Variants in ESRRG observed in about 807,000 individuals in gnomAD.
ESRRG encodes the protein estrogen related receptor gamma.
In ESRRG, 13 loss-of-function variants were observed where a neutral mutation model predicts 44.0. That is an observed-to-expected ratio of 0.30 (90% CI 0.19 to 0.47). The LOEUF (loss-of-function observed/expected upper bound fraction) is 0.47. Ranked by LOEUF, ESRRG falls within the 20% of genes least tolerant of loss-of-function variation. The pLI, the probability that ESRRG is intolerant of heterozygous loss-of-function variation, is 1.00. For missense variants in ESRRG, 395 were observed against 580.6 expected, an observed-to-expected ratio of 0.68 and a Z score of 3.29; for synonymous variants, 215 against 214.6, an observed-to-expected ratio of 1.00 and a Z score of -0.02.
chr1:216,673,557 A>G (rs904724132), intron 2 of ESRRG, among the ~76,000 whole-genome samples: 3 of 152,190 alleles, frequency 2.0e-5, no homozygotes, highest in African/African-American at 7.2e-5. Flanking sequence ...ACATACATCA[A>G]TGCCAAGAAT....
chr1:216,562,448 A>G (rs1346628157), intron 5 of ESRRG, among the ~76,000 whole-genome samples: 1 of 152,072 alleles, frequency 6.6e-6, no homozygotes, highest in African/African-American at 2.4e-5. Flanking sequence ...GAATAATAAT[A>G]CCTGATTCCT....
intron 2 of ESRRG, among the ~76,000 whole-genome samples, chr1:216,902,478 GAAAAAAAAGAAAA>G (rs975482576): frequency 2.4e-4 from 34 of 139,568 alleles, no homozygotes; most frequent in African/African-American, 9.1e-4. Flanking sequence ...ACAGAGTCTC[GAAAAAAAAGAAAA>G]AAAAAAAAGG....
rs71161435 is a variant in ESRRG, at chr1:216,516,664, C to CAG, written c.1132+2487_1132+2488insCT. Reference sequence around the variant, plus strand: ...ACACACACACACACACACACACACACACACAGAGAGAGAGAGAGAAACGAC... The same window carrying CAG: ...ACACACACACACACACACACACACACAGACACAGAGAGAGAGAGAGAAACGAC... On this transcript the variant is annotated intron_variant, in intron 6 of 6. Transcript: ENST00000408911. 2.5e-3 allele frequency among the ~76,000 whole-genome samples: 264 copies of CAG among 106,904 alleles called. 1 individual carries two copies. The highest frequency in any genetic ancestry group is 5.1e-3 in the African/African-American group (134 of 26,162). The allele number at this position is 106,904 out of a possible 152,430, so 70.1% of individuals were successfully genotyped here.
At chr1:217,012,080 A>C (rs4846801) in intron 1 of ESRRG, among the ~76,000 whole-genome samples, 23,879 of 152,008 alleles carry the variant, frequency 0.16, 2,439 homozygotes, top group Admixed American at 0.22. Context: ...ATAAATGTAA[A>C]GTAATAAGTA....
intron 1 of ESRRG, among the ~76,000 whole-genome samples, chr1:216,682,912 G>C (rs921998570): frequency 6.6e-6 from 1 of 152,100 alleles, no homozygotes; most frequent in South Asian, 2.1e-4. Context: ...CTCTCGTAAA[G>C]TGGCAAAATG....
intron 1 of ESRRG, among the ~76,000 whole-genome samples, chr1:216,981,046 G>T (rs2073883625): frequency 6.6e-6 from 1 of 152,110 alleles, no homozygotes; most frequent in South Asian, 2.1e-4. Flanking sequence ...ACTAAGGCAA[G>T]ATACCATGCC....
chr1:216,696,000 G>C (rs1162415840), intron 1 of ESRRG, among the ~76,000 whole-genome samples: 3 of 152,182 alleles, frequency 2.0e-5, no homozygotes, highest in African/African-American at 7.2e-5. Flanking sequence ...TGGCATAGAT[G>C]CTTGGATGAT....
intron 5 of ESRRG, among the ~76,000 whole-genome samples, chr1:216,557,549 A>G (rs2057837074): frequency 6.6e-6 from 1 of 152,198 alleles, no homozygotes; most frequent in Non-Finnish European, 1.5e-5. Flanking sequence ...AAGTGGGACT[A>G]ATAAGATTGA....
Position 217,075,857 on chromosome 1 carries a change from G to C in ESRRG, c.-106+13650C>G, listed in dbSNP as rs191429464. Among the ~76,000 whole-genome samples the C allele has an allele frequency of 2.7e-3, 417 of 152,206 alleles. 2 individuals are homozygous for C. The highest frequency in any genetic ancestry group is 9.1e-3 in the African/African-American group (380 of 41,532). ...GATAAAATCTGGAGTGTATGTAGAGGGGGTTGATGCTTTTACATTTTATTG... is the reference window on the plus strand; with the variant it reads ...GATAAAATCTGGAGTGTATGTAGAGCGGGTTGATGCTTTTACATTTTATTG... On this transcript the variant is annotated intron_variant, in intron 1 of 7. Transcript: ENST00000359162.
At chr1:216,870,253 C>CT (rs35814014) in intron 2 of ESRRG, among the ~76,000 whole-genome samples, 1,709 of 133,274 alleles carry the variant, frequency 0.013, 11 homozygotes, top group South Asian at 0.033. Flanking sequence ...TGTCAATGTG[C>CT]TTTTTTTTTT....
chr1:216,710,792 T>C (rs1326963024), intron 1 of ESRRG, among the ~76,000 whole-genome samples: 1 of 151,134 alleles, frequency 6.6e-6, no homozygotes, highest in Admixed American at 6.6e-5. Flanking sequence ...CCCGCTGCAC[T>C]GCATGCGCCT....
Position 216,742,876 on chromosome 1 carries a change from T to TGA in ESRRG, c.-13-65386_-13-65385insTC, listed in dbSNP as rs528439578. ...AGACAATTAAAAAAACCCTCAAACT[T>TGA]AAGAGTTTAGGGAGATTTTACTTCA... On this transcript the variant is annotated intron_variant, in intron 2 of 7. Coordinates refer to the ESRRG transcript ENST00000359162. Among the ~76,000 whole-genome samples, 26 of 152,010 alleles carry TGA rather than the reference T, an allele frequency of 1.7e-4. 1 individual carries two copies. The highest frequency in any genetic ancestry group is 6.3e-4 in the African/African-American group (26 of 41,448).
chr1:216,715,093 C>T (rs1420004846), intron 1 of ESRRG: 2 of 985,300 alleles, frequency 2.0e-6, no homozygotes, highest in Non-Finnish European at 2.4e-6. Flanking sequence ...ACTCCTGATG[C>T]TGTCTAGACT....
rs1162256013 is a variant in ESRRG at position 216,893,573 on chromosome 1, C to T, written c.-14+46009G>A. Among the ~76,000 whole-genome samples, 4 of 152,182 alleles carry T rather than the reference C, an allele frequency of 2.6e-5. No individual in the cohort carries two copies. In the East Asian group the frequency reaches 7.7e-4, roughly 29 times the overall value. Reference sequence around the variant, plus strand: ...GACACAGTGTCTGGCAAGCAGTAAGCCATCAATACATCTTCATTTAATTGT... The same window carrying T: ...GACACAGTGTCTGGCAAGCAGTAAGTCATCAATACATCTTCATTTAATTGT... On this transcript the variant is annotated intron_variant, in intron 2 of 7. Coordinates refer to the ESRRG transcript ENST00000359162.
chr1:217,113,958 G>A (rs968328333), intron 1 of ESRRG, among the ~76,000 whole-genome samples: 1 of 151,780 alleles, frequency 6.6e-6, no homozygotes, highest in Non-Finnish European at 1.5e-5. Flanking sequence ...ACACACCACT[G>A]CAAACACTCT....
intron 2 of ESRRG, among the ~76,000 whole-genome samples, chr1:216,756,104 T>G (rs909683850): frequency 6.6e-6 from 1 of 152,058 alleles, no homozygotes; most frequent in Non-Finnish European, 1.5e-5. Context: ...TACTTTAATT[T>G]TCTCATCTGA....
chr1:216,861,753 A>C (rs2096058779), intron 2 of ESRRG, among the ~76,000 whole-genome samples: 1 of 152,154 alleles, frequency 6.6e-6, no homozygotes, highest in Admixed American at 6.5e-5. Context: ...GAGAAGGAAA[A>C]GACAAGCCAA....
At chr1:216,515,171 G>A (rs1029721730) in intron 6 of ESRRG, among the ~76,000 whole-genome samples, 1 of 152,006 alleles carries the variant, frequency 6.6e-6, no homozygotes, top group African/African-American at 2.4e-5. Context: ...CAAAGGAGGT[G>A]AAATTTGGAA....
chr1:216,824,614 C>T (rs1344623412), intron 2 of ESRRG, among the ~76,000 whole-genome samples: 1 of 152,056 alleles, frequency 6.6e-6, no homozygotes, highest in African/African-American at 2.4e-5. Flanking sequence ...GGTTTTAATG[C>T]ATAAAATGGC....
Sources: gnomAD v4.1 joint callset for allele counts (sites outside exome capture counted in the v4.1 genomes callset) on GRCh38, gnomAD v4.1.1 for gene constraint, MANE v1.5 for transcripts, NCBI Gene and HGNC (gene_info 2026-07-23, HGNC 2026-07-21) for gene names.